Variants in NRG1 observed in about 807,000 individuals in gnomAD.
The protein encoded by NRG1 is neuregulin 1.
Under a neutral mutation model 63.8 loss-of-function variants are expected in NRG1, and 18 were observed. The observed-to-expected ratio is 0.28, with a 90% confidence interval of 0.19 to 0.42. NRG1 has a LOEUF of 0.42. Among genes scored for constraint, NRG1 ranks in the 10% least tolerant of loss-of-function variants. The pLI, the probability that NRG1 is intolerant of heterozygous loss-of-function variation, is 1.00. For missense variants in NRG1, 762 were observed against 814.7 expected, an observed-to-expected ratio of 0.94 and a Z score of 0.79; for synonymous variants, 302 against 301.3, an observed-to-expected ratio of 1.00 and a Z score of -0.02.
intron 1 of NRG1, among the ~76,000 whole-genome samples, chr8:31,704,646 C>T (rs941877873): frequency 6.6e-6 from 1 of 152,036 alleles, no homozygotes; most frequent in Non-Finnish European, 1.5e-5. Context: ...TCCTGGCTAA[C>T]ACGGTGAAAA....
chr8:32,681,700 C>T (rs990327099), intron 5 of NRG1, among the ~76,000 whole-genome samples: 7 of 152,112 alleles, frequency 4.6e-5, no homozygotes, highest in African/African-American at 1.4e-4. Flanking sequence ...CTTGGAATAT[C>T]GTCACTTGTA....
rs147768819 is a variant in NRG1, at chr8:32,763,531, C to G, written c.1260-217C>G. On this transcript the variant is annotated intron_variant, in intron 11 of 11. Transcript: ENST00000356819. The stretch of plus-strand genomic sequence containing the variant: ...AGCTTTGATGAGCTAGGCAATTTAG[C>G]TGATCTTTGCATGCACTCCTGTGAG... Among the ~76,000 whole-genome samples, 643 of 152,254 alleles carry G rather than the reference C, an allele frequency of 4.2e-3. 5 individuals carry two copies. The highest frequency in any genetic ancestry group is 0.015 in the African/African-American group (609 of 41,552).
chr8:32,082,213 T>TTA (rs397703046), intron 1 of NRG1, among the ~76,000 whole-genome samples: 9 of 151,144 alleles, frequency 6.0e-5, no homozygotes, highest in African/African-American at 2.2e-4. Context: ...TTTTTTTTTT[T>TTA]AATTTTTATT....
At chr8:32,316,910 A>G (rs1335347494) in intron 1 of NRG1, among the ~76,000 whole-genome samples, 1 of 152,176 alleles carries the variant, frequency 6.6e-6, no homozygotes, top group East Asian at 1.9e-4. Flanking sequence ...GTGGTGGAAT[A>G]GGTACTTTCA....
chr8:32,209,438 A>G (rs1341834907), intron 1 of NRG1, among the ~76,000 whole-genome samples: 1 of 152,112 alleles, frequency 6.6e-6, no homozygotes, highest in Non-Finnish European at 1.5e-5. Flanking sequence ...GCTCCATTTT[A>G]CTATACTGTT....
intron 1 of NRG1, among the ~76,000 whole-genome samples, chr8:32,375,970 T>C (rs2129483029): frequency 6.6e-6 from 1 of 152,326 alleles, no homozygotes; most frequent in East Asian, 1.9e-4. Context: ...ACTCTTAGCT[T>C]TATTTTCAAG....
chr8:32,643,590 G>A (rs1397108086), intron 5 of NRG1, among the ~76,000 whole-genome samples: 1 of 152,188 alleles, frequency 6.6e-6, no homozygotes, highest in African/African-American at 2.4e-5. Flanking sequence ...GAACCACTCA[G>A]CTGAACCCAG....
intron 1 of NRG1, among the ~76,000 whole-genome samples, chr8:31,985,229 T>C (rs930791208): frequency 4.6e-5 from 7 of 152,068 alleles, no homozygotes; most frequent in African/African-American, 1.7e-4. Flanking sequence ...GAGAGGTTAA[T>C]AGGTAGGGGA....
chr8:32,503,963 G>T (rs1229957829), intron 1 of NRG1, among the ~76,000 whole-genome samples: 1 of 152,154 alleles, frequency 6.6e-6, no homozygotes, highest in African/African-American at 2.4e-5. Context: ...ATGCTCAGTG[G>T]CTTGCCAGCA....
At chr8:32,706,790 T>C (rs545737407) in intron 5 of NRG1, among the ~76,000 whole-genome samples, 5 of 152,138 alleles carry the variant, frequency 3.3e-5, no homozygotes, top group Non-Finnish European at 7.4e-5. Context: ...TCTCAAATAA[T>C]ATTTCACCAA....
chr8:32,552,837 T>G (rs1336966002), intron 1 of NRG1, among the ~76,000 whole-genome samples: 1 of 152,092 alleles, frequency 6.6e-6, no homozygotes, highest in Non-Finnish European at 1.5e-5. Flanking sequence ...AAAAAATATA[T>G]ATAGAGAACC....
intron 5 of NRG1, among the ~76,000 whole-genome samples, chr8:32,628,729 T>C (rs1167246059): frequency 6.7e-6 from 1 of 149,392 alleles, no homozygotes; most frequent in East Asian, 2.0e-4. Context: ...TAAAACTTTC[T>C]GCCCTTTTTT....
At chr8:31,969,321 T>A (rs565944891) in intron 1 of NRG1, among the ~76,000 whole-genome samples, 3 of 152,346 alleles carry the variant, frequency 2.0e-5, no homozygotes, top group African/African-American at 7.2e-5. Flanking sequence ...CATTTTGGGA[T>A]CATTTTTTAA....
At chr8:32,494,610 T>C (rs555500728) in intron 1 of NRG1, among the ~76,000 whole-genome samples, 1 of 152,274 alleles carries the variant, frequency 6.6e-6, no homozygotes, top group Non-Finnish European at 1.5e-5. Flanking sequence ...ACAAAAAGAA[T>C]TTTATTTAGT....
chr8:32,235,104 TTGAC>T (rs974396680), intron 1 of NRG1, among the ~76,000 whole-genome samples: 2 of 151,746 alleles, frequency 1.3e-5, no homozygotes, highest in Non-Finnish European at 2.9e-5. Flanking sequence ...GAACTGCTGA[TTGAC>T]TGTTTGAAAA....
rs763832703 is a variant in NRG1, at chr8:32,762,225, A to AT, written c.1260-1516dup. On this transcript the variant is annotated intron_variant, in intron 11 of 11. Transcript: ENST00000356819. ...TTTAAAACTTTAGTCTTAAATTCATATTTTTTTAATGTATTAAGGAAGTCT... is the reference window on the plus strand; with the variant it reads ...TTTAAAACTTTAGTCTTAAATTCATATTTTTTTTAATGTATTAAGGAAGTCT... Among the ~76,000 whole-genome samples, 78 of 152,116 alleles carry AT rather than the reference A, an allele frequency of 5.1e-4. 1 individual carries two copies. The East Asian group carries it at 9.5e-3, about 19-fold the overall frequency.
intron 1 of NRG1, among the ~76,000 whole-genome samples, chr8:32,379,613 G>T (rs1336105316): frequency 2.0e-5 from 3 of 152,212 alleles, no homozygotes; most frequent in Non-Finnish European, 4.4e-5. Context: ...GCCATCCATT[G>T]TGTCAGATCC....
chr8:32,345,047 T>C (rs1563339480), intron 1 of NRG1, among the ~76,000 whole-genome samples: 1 of 152,158 alleles, frequency 6.6e-6, no homozygotes, highest in Middle Eastern at 3.2e-3. Flanking sequence ...GACCTGAGAT[T>C]TGGCCTCTCC....
At chr8:32,485,091 G>C (rs896901788) in intron 1 of NRG1, among the ~76,000 whole-genome samples, 1 of 151,498 alleles carries the variant, frequency 6.6e-6, no homozygotes, top group African/African-American at 2.4e-5. Flanking sequence ...GCAGTGCTCA[G>C]TATAGTGTCT....
Sources: gnomAD v4.1 joint callset for allele counts (sites outside exome capture counted in the v4.1 genomes callset) on GRCh38, gnomAD v4.1.1 for gene constraint, MANE v1.5 for transcripts, NCBI Gene and HGNC (gene_info 2026-07-23, HGNC 2026-07-21) for gene names.